Variants in CSMD1 observed in about 807,000 individuals in gnomAD.
CSMD1 encodes CUB and sushi domain-containing protein 1.
CSMD1 carries 213 observed loss-of-function variants against 417.5 expected under a neutral mutation model. The ratio of observed to expected loss-of-function variants is 0.51; its 90% confidence interval spans 0.46 to 0.57. CSMD1 has a LOEUF of 0.57. Ranked by LOEUF, CSMD1 falls within the 20% of genes least tolerant of loss-of-function variation. The pLI is 0.00. For missense variants in CSMD1, 6,923 were observed against 4,529.7 expected (o/e 1.53, Z -15.17); for synonymous variants, 2,862 against 1,736.8 (o/e 1.65, Z -16.11).
At chr8:4,710,746 G>A (rs960384732) in intron 1 of CSMD1, among the ~76,000 whole-genome samples, 3 of 151,776 alleles carry the variant, frequency 2.0e-5, no homozygotes, top group African/African-American at 4.8e-5. Context: ...TTGGGAGTCT[G>A]AGGCAGGTAA....
chr8:4,094,916 G>A (rs1325906575), intron 3 of CSMD1, among the ~76,000 whole-genome samples: 1 of 152,164 alleles, frequency 6.6e-6, no homozygotes, highest in Non-Finnish European at 1.5e-5. Context: ...GGAGAGACAT[G>A]GGGAAGTCAT....
chr8:4,404,080 G>C (rs1250295739), intron 3 of CSMD1, among the ~76,000 whole-genome samples: 3 of 152,088 alleles, frequency 2.0e-5, no homozygotes, highest in Admixed American at 6.6e-5. Context: ...CTTTTTACGT[G>C]CTTTTACTGC....
chr8:4,173,397 T>C lies in CSMD1; in HGVS notation c.416-141298A>G, dbSNP rs565514954. 2.6e-5 allele frequency among the ~76,000 whole-genome samples: 4 copies of C among 152,168 alleles called. No homozygotes were observed. The South Asian group carries it at 6.2e-4, about 24-fold the overall frequency. On this transcript the variant is annotated intron_variant, in intron 3 of 69. Transcript: ENST00000635120. ...ATGAGACAGAGGCATAAAGAGAAGT[T>C]TGCATTTAACGTGGTGACTACAGAG...
chr8:4,724,958 G>C (rs942014923), intron 1 of CSMD1, among the ~76,000 whole-genome samples: 2 of 151,898 alleles, frequency 1.3e-5, no homozygotes, highest in African/African-American at 4.8e-5. Context: ...TAAATGATTC[G>C]AGTTTAAAAC....
chr8:4,072,924 C>G (rs141180370), intron 3 of CSMD1, among the ~76,000 whole-genome samples: 12 of 152,246 alleles, frequency 7.9e-5, no homozygotes, highest in African/African-American at 2.9e-4. Flanking sequence ...TGGATATTAC[C>G]ACTTAGAACA....
intron 3 of CSMD1, among the ~76,000 whole-genome samples, chr8:4,209,427 G>C (rs773538503): frequency 3.3e-5 from 5 of 152,090 alleles, no homozygotes; most frequent in Non-Finnish European, 7.4e-5. Context: ...TATGAGGTGT[G>C]AACTCCTCAT....
At chr8:4,016,984 A>T (rs919238069) in intron 4 of CSMD1, among the ~76,000 whole-genome samples, 1 of 152,316 alleles carries the variant, frequency 6.6e-6, no homozygotes, top group Non-Finnish European at 1.5e-5. Context: ...AAAACCCTGA[A>T]ATCACAATAA....
At chr8:4,653,449 T>C (rs1395074616) in intron 1 of CSMD1, among the ~76,000 whole-genome samples, 1 of 152,138 alleles carries the variant, frequency 6.6e-6, no homozygotes, top group Non-Finnish European at 1.5e-5. Context: ...TCATGTTATT[T>C]TCCTTTCCAG....
rs182569845 is a variant in CSMD1 at position 4,342,954 on chromosome 8, C to G, written c.415+76999G>C. On this transcript the variant is annotated intron_variant, in intron 3 of 69. Transcript: ENST00000635120. ...CACACTGATCTGTAAGTTTCAGACTCTGACAGGTAGATGTCAGGTAGAGAA... is the reference window on the plus strand; with the variant it reads ...CACACTGATCTGTAAGTTTCAGACTGTGACAGGTAGATGTCAGGTAGAGAA... 7.7e-4 allele frequency among the ~76,000 whole-genome samples: 117 copies of G among 152,204 alleles called. 1 individual carries two copies. In the Middle Eastern group the frequency reaches 0.014, roughly 18 times the overall value.
rs56294437 is a variant in CSMD1, at chr8:3,779,149, TTGTGTGTGTGTGTG to T, written c.819-25121_819-25108del. On this transcript the variant is annotated intron_variant, in intron 5 of 69. Transcript: ENST00000635120. ...AAATATTTTCACTATGCGTGCATACTTGTGTGTGTGTGTGTGTGTGTGTGTGTGTGTGTGTATGT... is the reference window on the plus strand; with the variant it reads ...AAATATTTTCACTATGCGTGCATACTTGTGTGTGTGTGTGTGTGTGTATGT... 3.0e-3 allele frequency among the ~76,000 whole-genome samples: 438 copies of T among 147,538 alleles called. 10 individuals are homozygous for T. The highest frequency in any genetic ancestry group is 0.028 in the Admixed American group (415 of 14,774).
chr8:4,506,767 G>A (rs1046758987), intron 2 of CSMD1, among the ~76,000 whole-genome samples: 5 of 152,084 alleles, frequency 3.3e-5, no homozygotes, highest in African/African-American at 1.2e-4. Flanking sequence ...AAGCATAAAT[G>A]CTTTAATTTT....
chr8:3,966,086 G>C (rs562477036), intron 5 of CSMD1, among the ~76,000 whole-genome samples: 1 of 152,196 alleles, frequency 6.6e-6, no homozygotes, highest in Non-Finnish European at 1.5e-5. Flanking sequence ...TCCAGGAGTA[G>C]GGACTACGAA....
intron 3 of CSMD1, among the ~76,000 whole-genome samples, chr8:4,119,450 A>G (rs555781785): frequency 1.3e-5 from 2 of 152,184 alleles, no homozygotes; most frequent in East Asian, 1.9e-4. Flanking sequence ...CATGGACTGA[A>G]TATCTGTGTC....
chr8:3,528,858 G>C (rs551063664), intron 10 of CSMD1, among the ~76,000 whole-genome samples: 55 of 152,220 alleles, frequency 3.6e-4, no homozygotes, highest in South Asian at 6.2e-4. Context: ...AACTAAATGA[G>C]TTTTAATACT....
At chr8:3,058,531 G>T (rs1812385686) in intron 49 of CSMD1, among the ~76,000 whole-genome samples, 1 of 152,164 alleles carries the variant, frequency 6.6e-6, no homozygotes, top group Non-Finnish European at 1.5e-5. Context: ...CATATAAGGT[G>T]CTAAGACAGG....
intron 1 of CSMD1, among the ~76,000 whole-genome samples, chr8:4,948,462 G>A (rs1024933255): frequency 1.3e-5 from 2 of 151,750 alleles, no homozygotes; most frequent in East Asian, 1.9e-4. Context: ...TTCTTATCCA[G>A]TAATCTTGAT....
chr8:4,094,024 C>A (rs11782732), intron 3 of CSMD1, among the ~76,000 whole-genome samples: 51 of 148,548 alleles, frequency 3.4e-4, no homozygotes, highest in African/African-American at 1.2e-3. Context: ...AGAAAAAAGA[C>A]AAAGAAAATC....
intron 10 of CSMD1, among the ~76,000 whole-genome samples, chr8:3,521,476 G>T (rs571906271): frequency 1.3e-5 from 2 of 152,088 alleles, no homozygotes; most frequent in African/African-American, 2.4e-5. Context: ...CCATAGCATT[G>T]TTCCTTGCTG....
chr8:3,619,451 A>C (rs942217992), intron 7 of CSMD1, among the ~76,000 whole-genome samples: 8 of 152,162 alleles, frequency 5.3e-5, no homozygotes, highest in Admixed American at 2.0e-4. Context: ...GGTCGAAATA[A>C]ATCTCTAGAT....
Sources: allele counts gnomAD v4.1 joint callset (sites outside exome capture counted in the v4.1 genomes callset), GRCh38; gene constraint gnomAD v4.1.1; transcripts MANE v1.5; gene names NCBI Gene and HGNC (gene_info 2026-07-23, HGNC 2026-07-21).